CAB39: variants seen among roughly 807,000 people sequenced by gnomAD.
CAB39 encodes the protein calcium binding protein 39.
A neutral mutation model predicts 40.0 loss-of-function variants in CAB39; 8 were observed. The ratio of observed to expected loss-of-function variants is 0.20; its 90% confidence interval spans 0.12 to 0.36. The LOEUF is 0.36. Among genes scored for constraint, CAB39 ranks in the 10% least tolerant of loss-of-function variants. CAB39 has a pLI of 1.00. For missense variants in CAB39, 270 were observed against 401.1 expected, an observed-to-expected ratio of 0.67 and a Z score of 2.79; for synonymous variants, 156 against 141.6, an observed-to-expected ratio of 1.10 and a Z score of -0.72.
chr2:230,755,200 T>G (rs1695169217), intron 1 of CAB39, among the ~76,000 whole-genome samples: 1 of 152,208 alleles, frequency 6.6e-6, no homozygotes, highest in Non-Finnish European at 1.5e-5. Context: ...TTTTAGTTCT[T>G]TAAGGAATCA....
intron 5 of CAB39, among the ~76,000 whole-genome samples, chr2:230,809,618 G>A (rs761656277): frequency 3.3e-5 from 5 of 152,196 alleles, no homozygotes; most frequent in Non-Finnish European, 5.9e-5. Flanking sequence ...CTGAATGAAT[G>A]ATCCTTGGGA....
At chr2:230,811,438 CA>C (rs1180525677) in intron 6 of CAB39, among the ~76,000 whole-genome samples, 6 of 152,214 alleles carry the variant, frequency 3.9e-5, no homozygotes, top group Non-Finnish European at 7.4e-5. Flanking sequence ...TATTTCAGCT[CA>C]TGTGTATTTG....
intron 4 of CAB39, among the ~76,000 whole-genome samples, chr2:230,795,257 C>A (rs1695962981): frequency 7.0e-6 from 1 of 143,404 alleles, no homozygotes; most frequent in South Asian, 2.2e-4. Flanking sequence ...GCCTGGGTGA[C>A]AGAGCAAGAC....
At chr2:230,743,342 G>A (rs920953506) in intron 1 of CAB39, among the ~76,000 whole-genome samples, 15 of 152,138 alleles carry the variant, frequency 9.9e-5, no homozygotes, top group Admixed American at 3.9e-4. Flanking sequence ...CCAAAGACGA[G>A]TCTTTTTGCT....
intron 1 of CAB39, among the ~76,000 whole-genome samples, chr2:230,756,074 T>G (rs1325984236): frequency 6.6e-6 from 1 of 152,194 alleles, no homozygotes; most frequent in African/African-American, 2.4e-5. Flanking sequence ...AAGAGTCCAC[T>G]CTTAAAGGTG....
chr2:230,771,933 A>G (rs908039553), intron 2 of CAB39, among the ~76,000 whole-genome samples: 1 of 152,222 alleles, frequency 6.6e-6, no homozygotes, highest in African/African-American at 2.4e-5. Flanking sequence ...TTAAAAATTA[A>G]CTCAAAATGG....
intron 2 of CAB39, among the ~76,000 whole-genome samples, chr2:230,775,241 CT>C (rs747348885): frequency 1.7e-3 from 245 of 142,162 alleles, no homozygotes; most frequent in Admixed American, 1.8e-3. Flanking sequence ...TTTCTTTTTT[CT>C]TTTTTTTTTT....
chr2:230,794,088 A>G (rs1037919589), intron 4 of CAB39, among the ~76,000 whole-genome samples: 9 of 152,038 alleles, frequency 5.9e-5, no homozygotes, highest in Admixed American at 3.3e-4. Flanking sequence ...GGTCTGTTCT[A>G]TTAAGTTGGT....
chr2:230,750,066 G>A (rs1216189971), intron 1 of CAB39, among the ~76,000 whole-genome samples: 1 of 152,158 alleles, frequency 6.6e-6, no homozygotes, highest in Non-Finnish European at 1.5e-5. Context: ...ACGAACAAAT[G>A]GAGAATCCTG....
chr2:230,765,987 A>G (rs114520617), intron 2 of CAB39, among the ~76,000 whole-genome samples: 3,109 of 152,292 alleles, frequency 0.02, 93 homozygotes, highest in African/African-American at 0.07. Flanking sequence ...AGCCCATGCA[A>G]ATTACTTATG....
intron 1 of CAB39, among the ~76,000 whole-genome samples, chr2:230,756,780 C>T (rs540953621): frequency 1.6e-4 from 24 of 152,030 alleles, no homozygotes; most frequent in African/African-American, 5.3e-4. Flanking sequence ...GCAACCTCCC[C>T]GTCCCGGGTT....
At chr2:230,795,630 C>T (rs1383699774) in intron 4 of CAB39, among the ~76,000 whole-genome samples, 1 of 152,104 alleles carries the variant, frequency 6.6e-6, no homozygotes, top group African/African-American at 2.4e-5. Context: ...TGCAGGTGTC[C>T]TCAGTCTGTA....
chr2:230,806,403 GCTAA>G (rs1204984121), intron 5 of CAB39, among the ~76,000 whole-genome samples: 9 of 152,098 alleles, frequency 5.9e-5, no homozygotes, highest in African/African-American at 1.9e-4. Flanking sequence ...AACCTAAGGA[GCTAA>G]CTGATAGTCT....
At chr2:230,765,916 G>GA (rs142076267) in intron 2 of CAB39, among the ~76,000 whole-genome samples, 1,666 of 152,176 alleles carry the variant, frequency 0.011, 31 homozygotes, top group East Asian at 0.058. Flanking sequence ...ACAAAACAAA[G>GA]AAAAACATTT....
rs995992389 is a variant in CAB39 at position 230,821,075 on chromosome 2, A to G, written c.*2371A>G. The G allele has an allele frequency of 1.3e-5, 2 of 152,424 alleles. No homozygotes were observed. The highest frequency in any genetic ancestry group is 4.1e-4 in the South Asian group (2 of 4,824). The allele number at this position is 152,424 out of a possible 1,614,324, so 9.4% of individuals were successfully genotyped here. On this transcript the variant is annotated 3_prime_UTR_variant, in exon 9 of 9. Coordinates refer to ENST00000258418, the MANE Select transcript of CAB39 (RefSeq NM_016289.4). ...TAAAATAAAATTTTGGAGAAACAGC[A>G]TTGTCTGTCTTTATGATGTGTTATA...
chr2:230,766,321 A>G lies in CAB39; in HGVS notation c.114+6206A>G, dbSNP rs960650265. Among the ~76,000 whole-genome samples the G allele has an allele frequency of 2.6e-5, 4 of 152,346 alleles. No homozygotes were observed. The East Asian group carries it at 7.7e-4, about 29-fold the overall frequency. On this transcript the variant is annotated intron_variant, in intron 2 of 8. Transcript: ENST00000258418. Reference sequence around the variant, plus strand: ...AGGGGAAATTATTGTAGAGGTATTTATAAACATTTACAAAATACAAGATAA... The same window carrying G: ...AGGGGAAATTATTGTAGAGGTATTTGTAAACATTTACAAAATACAAGATAA...
chr2:230,744,408 C>G (rs1422317681), intron 1 of CAB39, among the ~76,000 whole-genome samples: 1 of 152,228 alleles, frequency 6.6e-6, no homozygotes, highest in Non-Finnish European at 1.5e-5. Context: ...GTCCTCCTGC[C>G]TCAGCCTCCT....
In CAB39 at chr2:230,817,771, A is replaced by G; in HGVS notation, c.711A>G (p.Leu237=). Residue 237 remains leucine, a synonymous_variant, in exon 8 of 9, where the codon CTA becomes CTG. Transcript: ENST00000258418. ...RQSLKLLGEL[L]LDRHNFTIMT... The stretch of plus-strand genomic sequence containing the variant: ...CTTCTCAGCTTCTCGGTGAACTACT[A>G]CTAGATAGACACAACTTCACAATTA... The G allele has an allele frequency of 6.2e-7, 1 of 1,606,624 alleles. No homozygotes were observed. Among genetic ancestry groups the G allele is most frequent in the Non-Finnish European group, 8.5e-7 (1 of 1,176,212 alleles).
intron 1 of CAB39, among the ~76,000 whole-genome samples, chr2:230,714,415 A>G (rs929458002): frequency 3.3e-5 from 5 of 152,240 alleles, no homozygotes; most frequent in Admixed American, 3.3e-4. Flanking sequence ...CAGGCTAAGC[A>G]AAGTACCTTT....
Sources: gnomAD v4.1 joint callset for allele counts (sites outside exome capture counted in the v4.1 genomes callset) on GRCh38, gnomAD v4.1.1 for gene constraint, MANE v1.5 for transcripts, NCBI Gene and HGNC (gene_info 2026-07-23, HGNC 2026-07-21) for gene names.